Variants in SPAG16 observed in about 807,000 individuals in gnomAD.
SPAG16 encodes sperm-associated antigen 16 protein.
A neutral mutation model predicts 80.4 loss-of-function variants in SPAG16; 86 were observed. That is an observed-to-expected ratio of 1.07 (90% CI 0.90 to 1.28). The LOEUF (loss-of-function observed/expected upper bound fraction) is 1.28. SPAG16 is among the 50% of genes most tolerant of loss of function. SPAG16 has a pLI of 0.00. For synonymous variants in SPAG16, 294 were observed against 265.9 expected, an observed-to-expected ratio of 1.11 and a Z score of -1.03; for missense variants, 870 against 765.3, an observed-to-expected ratio of 1.14 and a Z score of -1.61.
intron 10 of SPAG16, among the ~76,000 whole-genome samples, chr2:213,560,995 C>T (rs921544240): frequency 6.6e-6 from 1 of 152,182 alleles, no homozygotes; most frequent in Admixed American, 6.5e-5. Flanking sequence ...TCCCGAGTAA[C>T]TGGGATTACA....
chr2:214,306,750 C>T (rs533127179), intron 15 of SPAG16, among the ~76,000 whole-genome samples: 14 of 152,176 alleles, frequency 9.2e-5, no homozygotes, highest in Non-Finnish European at 1.5e-4. Flanking sequence ...GACAAACTTC[C>T]TGATGTGCTG....
chr2:213,925,677 T>G lies in SPAG16; in HGVS notation c.1215-4283T>G, dbSNP rs570239240. Among the ~76,000 whole-genome samples the G allele has an allele frequency of 3.9e-5, 6 of 152,324 alleles. No homozygotes were observed. The East Asian group carries it at 1.2e-3, about 29-fold the overall frequency. ...TTGTTCTTGTTTTGAGAGAGATTTT[T>G]GATAATTCCAGAGTAACATTATTTT... On this transcript the variant is annotated intron_variant, in intron 11 of 15. Transcript: ENST00000331683.
chr2:214,357,351 C>A (rs1698884703), intron 15 of SPAG16, among the ~76,000 whole-genome samples: 1 of 151,880 alleles, frequency 6.6e-6, no homozygotes, highest in Non-Finnish European at 1.5e-5. Flanking sequence ...TCTTATACCA[C>A]TTCACACTAT....
At chr2:214,227,777 T>C (rs540904186) in intron 15 of SPAG16, among the ~76,000 whole-genome samples, 1 of 151,476 alleles carries the variant, frequency 6.6e-6, no homozygotes, top group African/African-American at 2.4e-5. Flanking sequence ...TCCTATCTTA[T>C]TATTTTCTTC....
intron 12 of SPAG16, among the ~76,000 whole-genome samples, chr2:213,960,807 C>T (rs144037657): frequency 2.6e-4 from 39 of 152,268 alleles, no homozygotes; most frequent in African/African-American, 7.2e-4. Flanking sequence ...CTTTTAAATG[C>T]CCTAGAAGTT....
chr2:213,658,749 C>A (rs904565175), intron 10 of SPAG16, among the ~76,000 whole-genome samples: 10 of 152,052 alleles, frequency 6.6e-5, no homozygotes, highest in African/African-American at 2.2e-4. Context: ...ATTTGAAAAA[C>A]AACACTAGGC....
At chr2:213,696,496 A>G (rs1458606086) in intron 10 of SPAG16, among the ~76,000 whole-genome samples, 1 of 152,116 alleles carries the variant, frequency 6.6e-6, no homozygotes, top group Non-Finnish European at 1.5e-5. Context: ...GGCTCACTCT[A>G]ATACTTAAAT....
chr2:213,752,036 C>T (rs2068099304), intron 10 of SPAG16, among the ~76,000 whole-genome samples: 1 of 152,164 alleles, frequency 6.6e-6, no homozygotes, highest in African/African-American at 2.4e-5. Flanking sequence ...TTTATTGGCC[C>T]CACTACTCCC....
intron 14 of SPAG16, among the ~76,000 whole-genome samples, chr2:214,128,599 T>C (rs536556442): frequency 2.6e-5 from 4 of 151,888 alleles, no homozygotes; most frequent in African/African-American, 7.2e-5. Flanking sequence ...GATTTACATA[T>C]GAATTTATTC....
chr2:213,726,058 A>G (rs1382830627), intron 10 of SPAG16, among the ~76,000 whole-genome samples: 3 of 152,230 alleles, frequency 2.0e-5, no homozygotes, highest in Non-Finnish European at 4.4e-5. Flanking sequence ...CCTACAGTGC[A>G]TGCCAGCCTA....
At chr2:214,138,388 C>T (rs773718227) in intron 14 of SPAG16, among the ~76,000 whole-genome samples, 17 of 152,076 alleles carry the variant, frequency 1.1e-4, no homozygotes, top group East Asian at 3.9e-4. Flanking sequence ...ATTCTTCTCA[C>T]GCCCTGGTAC....
intron 15 of SPAG16, among the ~76,000 whole-genome samples, chr2:214,156,755 C>T (rs922667162): frequency 6.6e-6 from 1 of 152,136 alleles, no homozygotes; most frequent in East Asian, 1.9e-4. Flanking sequence ...AGTCCTGCCC[C>T]TGTACTCTAA....
chr2:213,791,902 A>G (rs2070722991), intron 10 of SPAG16, among the ~76,000 whole-genome samples: 1 of 152,188 alleles, frequency 6.6e-6, no homozygotes, highest in Admixed American at 6.5e-5. Flanking sequence ...TATTTTGTAC[A>G]TATTATGTCA....
chr2:214,137,721 T>C (rs1364923272), intron 14 of SPAG16, among the ~76,000 whole-genome samples: 1 of 152,106 alleles, frequency 6.6e-6, no homozygotes, highest in African/African-American at 2.4e-5. Context: ...GGAAGTGACT[T>C]TATCTCTTTA....
chr2:213,763,876 T>A (rs2068792981), intron 10 of SPAG16, among the ~76,000 whole-genome samples: 1 of 152,176 alleles, frequency 6.6e-6, no homozygotes, highest in South Asian at 2.1e-4. Flanking sequence ...GAGAAGCAAA[T>A]GAAATAAACT....
At chr2:214,164,209 G>A (rs536405845) in intron 15 of SPAG16, among the ~76,000 whole-genome samples, 19 of 152,188 alleles carry the variant, frequency 1.2e-4, no homozygotes, top group African/African-American at 4.3e-4. Context: ...TGAGAAAGAA[G>A]GTTCAGTGAA....
At chr2:213,313,594 C>T (rs887162471) in intron 4 of SPAG16, among the ~76,000 whole-genome samples, 22 of 151,736 alleles carry the variant, frequency 1.4e-4, no homozygotes, top group Non-Finnish European at 5.9e-5. Context: ...CTCCTAACCA[C>T]AGGGCTATAT....
chr2:213,468,507 ATATATATATC>A (rs1186631802), intron 9 of SPAG16, among the ~76,000 whole-genome samples: 59 of 135,310 alleles, frequency 4.4e-4, no homozygotes, highest in African/African-American at 1.6e-3. Flanking sequence ...ATATATAGAT[ATATATATATC>A]TATGTATTTA....
intron 11 of SPAG16, among the ~76,000 whole-genome samples, chr2:213,865,183 T>G (rs2075637221): frequency 3.3e-5 from 5 of 152,042 alleles, no homozygotes; most frequent in Admixed American, 3.3e-4. Context: ...ATAAATTTTT[T>G]GAGTTCATTT....
Sources: gnomAD v4.1 joint callset for allele counts (sites outside exome capture counted in the v4.1 genomes callset) on GRCh38, gnomAD v4.1.1 for gene constraint, MANE v1.5 for transcripts, NCBI Gene and HGNC (gene_info 2026-07-23, HGNC 2026-07-21) for gene names.